Variants in ZNF763 observed in about 807,000 individuals in gnomAD.
The protein encoded by ZNF763 is zinc finger protein 763.
In ZNF763, 33 loss-of-function variants were observed where a neutral mutation model predicts 38.0. The ratio of observed to expected loss-of-function variants is 0.87; its 90% CI spans 0.66 to 1.16. ZNF763 has a LOEUF of 1.16. ZNF763 is among the 50% of genes most tolerant of loss of function. The pLI is 0.00. For missense variants in ZNF763, 423 were observed against 469.1 expected (o/e 0.90, Z 0.91); for synonymous variants, 155 against 160.1 (o/e 0.97, Z 0.24).
chr19:11,974,093 C>CTTTCTTTCTTTCTTTCT (rs2145335704), intron 1 of ZNF763, among the ~76,000 whole-genome samples: 2 of 89,046 alleles, frequency 2.2e-5, no homozygotes, highest in East Asian at 5.6e-4. Context: ...TTCTTTCTTT[C>CTTTCTTTCTTTCTTTCT]TTTCTTTCTT....
At chr19:11,972,354 T>TA (rs1220175935) in intron 1 of ZNF763, among the ~76,000 whole-genome samples, 1 of 152,212 alleles carries the variant, frequency 6.6e-6, no homozygotes, top group Non-Finnish European at 1.5e-5. Context: ...TGTTGTCTTT[T>TA]AAAAATTACA....
At position 11,979,535 on chromosome 19, in the gene ZNF763, A is replaced by G. The variant is rs1442088135; in HGVS notation, c.*426A>G. 60 of 1,603,578 alleles carry G rather than the reference A, an allele frequency of 3.7e-5. No homozygotes were observed. Among genetic ancestry groups the G allele is most frequent in the Non-Finnish European group, 4.6e-5 (54 of 1,172,928 alleles). ...ACATGAAAAAACTCACACTGCAGAG[A>G]AACCCTATGAATGCAAGCAATGTGG... On this transcript the variant is annotated 3_prime_UTR_variant, in exon 4 of 4. Coordinates refer to ENST00000358987, the MANE Select transcript of ZNF763 (RefSeq NM_001367172.2).
chr19:11,978,686 G>A lies in ZNF763; in HGVS notation c.762G>A (p.Lys254=). ...RIHERTHTGE[K]PYECQQCGKA... ...ATGAAAGAACTCACACTGGAGAAAA[G>A]CCTTATGAATGTCAGCAATGTGGGA... Residue 254 remains lysine, a synonymous_variant, in exon 4 of 4, where the codon AAG becomes AAA. Transcript: ENST00000358987. 1.2e-6 allele frequency: 2 copies of A among 1,613,832 alleles called. No homozygotes were observed. The highest frequency in any genetic ancestry group is 8.5e-7 in the Non-Finnish European group (1 of 1,179,922).
At position 11,978,212 on chromosome 19, in the gene ZNF763, G is replaced by T; in HGVS notation, c.288G>T (p.Glu96Asp). The stretch of plus-strand genomic sequence containing the variant: ...CAGATGACAGGCTGAACTTCCAGGA[G>T]AAGAAAGCTTCTCCTGAAGCAAAAT... ...QVPDDRLNFQ[E>D]KKASPEAKSC... The change falls in exon 4 of 4, where the codon GAG becomes GAT. Residue 96 changes from glutamate (E) to aspartate (D), a missense_variant. Glu to Asp is a conservative substitution (Grantham distance 45). Coordinates refer to ENST00000358987, the MANE Select transcript of ZNF763 (RefSeq NM_001367172.2). 6.2e-7 allele frequency: 1 copy of T among 1,613,770 alleles called. No homozygotes were observed. Among genetic ancestry groups the T allele is most frequent in the Non-Finnish European group, 8.5e-7 (1 of 1,179,954 alleles).
Position 11,977,085 on chromosome 19 carries a change from G to A in ZNF763, c.51G>A (p.Glu17=). 6.2e-7 allele frequency: 1 copy of A among 1,614,168 alleles called. No homozygotes were observed. Among genetic ancestry groups the A allele is most frequent in the Non-Finnish European group, 8.5e-7 (1 of 1,180,034 alleles). ...TTGCTGTGAACTTCACCCAGGAGGA[G>A]TGGGCTTTGCTGGATATTTCGCAGA... The part of the protein sequence containing the change: ...EDVAVNFTQE[E]WALLDISQRK... Residue 17 remains glutamate (E), a synonymous_variant, in exon 2 of 4, where the codon GAG becomes GAA. Transcript: ENST00000358987.
chr19:11,977,573 A>G, intron 3 of ZNF763, 142 bp downstream of exon 3: 1 of 1,124,622 alleles, frequency 8.9e-7, no homozygotes, highest in South Asian at 1.6e-5. Flanking sequence ...ATATATTTAC[A>G]TGTGACTAAG....
chr19:11,965,282 C>G (rs991802093), intron 1 of ZNF763, 71 bp downstream of exon 1: 1 of 1,604,616 alleles, frequency 6.2e-7, no homozygotes, highest in African/African-American at 1.3e-5. Flanking sequence ...CCGGCTGCGG[C>G]GGGACCCGGG....
chr19:11,971,613 G>C (rs1180757016), intron 1 of ZNF763, among the ~76,000 whole-genome samples: 1 of 152,086 alleles, frequency 6.6e-6, no homozygotes, highest in Non-Finnish European at 1.5e-5. Context: ...ATTTCAAAGA[G>C]GTTACATCAT....
Position 11,978,326 on chromosome 19 carries a change from C to G in ZNF763, c.402C>G (p.Tyr134Ter). Residue 134 changes from tyrosine to a stop codon, truncating the protein, a stop_gained, in exon 4 of 4, where the codon TAC becomes TAG. Coordinates refer to ENST00000358987, the MANE Select transcript of ZNF763 (RefSeq NM_001367172.2). LOFTEE classifies it high-confidence loss of function. ...NIRGDIGHKA[Y>*]EYQDYAPKPY... ...GAGGTGACATTGGGCACAAGGCATACGAGTATCAGGACTATGCACCAAAGC... is the reference window on the plus strand; with the variant it reads ...GAGGTGACATTGGGCACAAGGCATAGGAGTATCAGGACTATGCACCAAAGC... 1 of 1,614,070 alleles carries G rather than the reference C, an allele frequency of 6.2e-7. No individual in the cohort carries two copies.
rs563579339 is a variant in ZNF763, at chr19:11,980,095, A to C, written c.*986A>C. 1 of 982,758 alleles carries C rather than the reference A, an allele frequency of 1.0e-6. No homozygotes were observed. The highest frequency in any genetic ancestry group is 1.6e-6 in the Non-Finnish European group (1 of 644,888). 60.9% of individuals were successfully genotyped at this position (982,758 alleles called of 1,614,324 possible). A position where few individuals can be genotyped will look rare whatever the true frequency, so the allele number is the denominator to read the frequency against. On this transcript the variant is annotated 3_prime_UTR_variant, in exon 4 of 4. Coordinates refer to ENST00000358987, the MANE Select transcript of ZNF763 (RefSeq NM_001367172.2). ...GTAAGCAATGTGGAAAAACCTTCAGATCTACCTCACACCTTCGAAAACATG... is the reference window on the plus strand; with the variant it reads ...GTAAGCAATGTGGAAAAACCTTCAGCTCTACCTCACACCTTCGAAAACATG...
chr19:11,965,283 G>A (rs571248183), intron 1 of ZNF763, 72 bp downstream of exon 1: 2 of 1,605,648 alleles, frequency 1.2e-6, no homozygotes, highest in East Asian at 2.2e-5. Flanking sequence ...CGGCTGCGGC[G>A]GGACCCGGGC....
intron 1 of ZNF763, among the ~76,000 whole-genome samples, chr19:11,968,366 C>T (rs1002549444): frequency 7.9e-5 from 12 of 152,090 alleles, no homozygotes; most frequent in African/African-American, 2.9e-4. Flanking sequence ...CCTCAGCCTT[C>T]CCAGTAGCTG....
chr19:11,974,886 A>G (rs1039440236), intron 1 of ZNF763, among the ~76,000 whole-genome samples: 1 of 152,190 alleles, frequency 6.6e-6, no homozygotes, highest in Non-Finnish European at 1.5e-5. Context: ...TACAGGCATG[A>G]GCCACCACAC....
chr19:11,970,837 A>G (rs977046785), intron 1 of ZNF763, among the ~76,000 whole-genome samples: 2 of 152,214 alleles, frequency 1.3e-5, no homozygotes, highest in East Asian at 3.8e-4. Flanking sequence ...AGGCTGAGGC[A>G]GGAGAATCGC....
Position 11,978,913 on chromosome 19 carries a change from A to G in ZNF763, c.989A>G (p.His330Arg). The G allele has an allele frequency of 6.2e-7, 1 of 1,614,242 alleles. No homozygotes were observed. The highest frequency in any genetic ancestry group is 1.1e-5 in the South Asian group (1 of 91,090). The change falls in exon 4 of 4, where the codon CAT (histidine) becomes CGT (arginine). Residue 330 changes from histidine to arginine, a missense_variant. Transcript: ENST00000358987. ...CGTAGTTACAGATCCTATCTTAGACATAAAAGGAGTCACACGGGAGAGAAG... is the reference window on the plus strand; with the variant it reads ...CGTAGTTACAGATCCTATCTTAGACGTAAAAGGAGTCACACGGGAGAGAAG... ...AFRSYRSYLR[H>R]KRSHTGEKPY...
chr19:11,979,061 T>A lies in ZNF763; in HGVS notation c.1137T>A (p.Tyr379Ter), dbSNP rs771521259. 5 of 1,614,196 alleles carry A rather than the reference T, an allele frequency of 3.1e-6. No homozygotes were observed. The highest frequency in any genetic ancestry group is 4.2e-6 in the Non-Finnish European group (5 of 1,180,026). ...ECKQCGKALS[Y>*]KFSNTPKNAL... ...AGCAGTGTGGGAAAGCATTATCTTA[T>A]AAGTTTTCAAACACACCTAAGAATG... The change falls in exon 4 of 4, where the codon TAT (tyrosine) becomes TAA (stop). Residue 379 changes from tyrosine (Y) to a stop codon, truncating the protein, a stop_gained. Coordinates refer to ENST00000358987, the MANE Select transcript of ZNF763 (RefSeq NM_001367172.2). LOFTEE classifies it high-confidence loss of function.
At position 11,978,388 on chromosome 19, in the gene ZNF763, A is replaced by G; in HGVS notation, c.464A>G (p.Tyr155Cys). The G allele has an allele frequency of 6.2e-7, 1 of 1,614,224 alleles. No individual in the cohort carries two copies. The highest frequency in any genetic ancestry group is 1.1e-5 in the South Asian group (1 of 91,090). ...CAACAACCTAAGAAAGCCTTCAGAT[A>G]TCACCCCTCCTTTAGAACACAAGAA... is the stretch of plus-strand genomic sequence containing the variant. ...KCQQPKKAFR[Y>C]HPSFRTQERN... The change falls in exon 4 of 4, where the codon TAT (tyrosine) becomes TGT (cysteine). Residue 155 changes from tyrosine (Y) to cysteine (C), a missense_variant. Tyr to Cys is a radical substitution (Grantham distance 194). Coordinates refer to ENST00000358987, the MANE Select transcript of ZNF763 (RefSeq NM_001367172.2).
chr19:11,974,519 C>T (rs1017943296), intron 1 of ZNF763, among the ~76,000 whole-genome samples: 2 of 148,502 alleles, frequency 1.3e-5, no homozygotes, highest in Non-Finnish European at 3.0e-5. Flanking sequence ...TCTTTAATAA[C>T]ATGCAATGTT....
In ZNF763 at chr19:11,979,403, C is replaced by T. The variant is rs1041061905; in HGVS notation, c.*294C>T. The T allele has an allele frequency of 7.5e-6, 12 of 1,610,352 alleles. No individual in the cohort carries two copies. The South Asian group carries it at 1.2e-4, about 16-fold the overall frequency. ...AGCCTTCAGATCTGCCTCACACCTT[C>T]AAATTCATGAAAGGACACAAACACA... On this transcript the variant is annotated 3_prime_UTR_variant, in exon 4 of 4. Transcript: ENST00000358987.
Sources: gnomAD v4.1 joint callset for allele counts (sites outside exome capture counted in the v4.1 genomes callset) on GRCh38, gnomAD v4.1.1 for gene constraint, MANE v1.5 for transcripts, NCBI Gene and HGNC (gene_info 2026-07-23, HGNC 2026-07-21) for gene names.